NGDN: variants seen among roughly 807,000 people sequenced by gnomAD.
The protein encoded by NGDN is neuroguidin, also known as EIF4E-binding protein.
NGDN carries 41 observed loss-of-function variants against 45.2 expected under a neutral mutation model. The observed-to-expected ratio is 0.91, with a 90% CI of 0.71 to 1.18. The LOEUF is 1.18. Ranked by LOEUF, NGDN falls within the 50% of genes most tolerant of loss-of-function variation. The pLI, the probability that NGDN is intolerant of heterozygous loss-of-function variation, is 0.00. For missense variants in NGDN, 402 were observed against 399.9 expected (o/e 1.01, Z -0.05); for synonymous variants, 137 against 130.9 (o/e 1.05, Z -0.32).
intron 4 of NGDN, 102 bp downstream of exon 4, chr14:23,475,410 G>A (rs1893874678): frequency 1.4e-6 from 2 of 1,381,006 alleles, no homozygotes; most frequent in South Asian, 1.3e-5. Flanking sequence ...CATGTTTAAG[G>A]AAACCAAATG....
In NGDN at chr14:23,470,050, G is replaced by A. The variant is rs1893736767; in HGVS notation, c.21G>A (p.Leu7=). The A allele has an allele frequency of 6.2e-7, 1 of 1,613,974 alleles. No homozygotes were observed. The stretch of plus-strand genomic sequence containing the variant: ...TCCTCTCCCTTCTGTAGGGGGTGCT[G>A]GAGTCCGACCTGCCAAGTGCCGTGA... MAALGV[L]ESDLPSAVTL... is the part of the protein sequence containing the mutation. The change falls in exon 2 of 11, where the codon CTG becomes CTA. Residue 7 remains leucine (L), a synonymous_variant. Transcript: ENST00000408901.
At chr14:23,474,835 G>A (rs1475164042) in intron 3 of NGDN, among the ~76,000 whole-genome samples, 8 of 152,316 alleles carry the variant, frequency 5.3e-5, no homozygotes, top group Admixed American at 3.3e-4. Flanking sequence ...AACCTACAAT[G>A]CCCAGGACAG....
At chr14:23,475,851 G>A in intron 6 of NGDN, 73 bp downstream of exon 6, 3 of 1,492,046 alleles carry the variant, frequency 2.0e-6, no homozygotes, top group Middle Eastern at 4.9e-4. Flanking sequence ...GGTGATCCTG[G>A]ATACCCTGGG....
At position 23,475,158 on chromosome 14, in the gene NGDN, T is replaced by G; in HGVS notation, c.145-13T>G. ...AACCAAATCTGTTTTTCTTTCTGTT[T>G]TGTTCAACTCAGGGTCTCAGCTTCT... On this transcript the variant is annotated splice_polypyrimidine_tract_variant and intron_variant, in intron 3 of 10. Transcript: ENST00000408901. 3 of 1,601,632 alleles carry G rather than the reference T, an allele frequency of 1.9e-6. No individual in the cohort carries two copies. Among genetic ancestry groups the G allele is most frequent in the Non-Finnish European group, 2.6e-6 (3 of 1,176,262 alleles).
intron 3 of NGDN, chr14:23,471,337 T>A (rs1370838638): frequency 9.9e-6 from 2 of 201,708 alleles, no homozygotes. Flanking sequence ...AGTATGGTGA[T>A]AAGGGAAAGG....
downstream of NGDN, chr14:23,478,421 A>G (rs1486696832): frequency 1.1e-5 from 2 of 189,144 alleles, no homozygotes; most frequent in African/African-American, 4.7e-5. Context: ...TTGTTATAAT[A>G]CAATACAGAT....
At chr14:23,475,484 C>G (rs117367543) in intron 4 of NGDN, 74 bp from the exon 5 acceptor site, 1 of 1,477,742 alleles carries the variant, frequency 6.8e-7, no homozygotes, top group Non-Finnish European at 9.4e-7. Context: ...TTATGTGGCA[C>G]CTTAATATAG....
chr14:23,469,936 C>G (rs1893733017), intron 1 of NGDN, 106 bp from the exon 2 acceptor site: 3 of 1,301,374 alleles, frequency 2.3e-6, no homozygotes, highest in Non-Finnish European at 3.3e-6. Context: ...GGCCCCGAGT[C>G]TGGGTGTCTG....
chr14:23,471,980 C>CA (rs1431805507), intron 3 of NGDN, among the ~76,000 whole-genome samples: 2 of 151,840 alleles, frequency 1.3e-5, no homozygotes, highest in African/African-American at 2.4e-5. Flanking sequence ...TGCTTGAGCC[C>CA]ATGGGTTTGA....
Position 23,470,721 on chromosome 14 carries a change from T to G in NGDN, c.73-185T>G, listed in dbSNP as rs566749936. On this transcript the variant is annotated intron_variant, in intron 2 of 10. Coordinates refer to ENST00000408901, the MANE Select transcript of NGDN (RefSeq NM_001042635.2). ...TCTCTTCTTTAAGAAGTGGAAAGTT[T>G]TTTTTTTTTTAAACTTTTTGAAGAA... Among the ~76,000 whole-genome samples the G allele has an allele frequency of 7.4e-3, 1,114 of 151,462 alleles. 13 individuals are homozygous for G. The highest frequency in any genetic ancestry group is 0.026 in the African/African-American group (1,058 of 41,378).
rs756433724 is a variant in NGDN, at chr14:23,475,587, A to G, written c.312A>G (p.Gln104=). The change falls in exon 5 of 11, where the codon CAA becomes CAG. Residue 104 remains glutamine (Q), a synonymous_variant. Coordinates refer to ENST00000408901, the MANE Select transcript of NGDN (RefSeq NM_001042635.2). Reference sequence around the variant, plus strand: ...TGGAAAAGCTTCGTCCCTTGGACCAAAAGCTGAAGTATCAAATTGACAAGC... The same window carrying G: ...TGGAAAAGCTTCGTCCCTTGGACCAGAAGCTGAAGTATCAAATTGACAAGC... ...TVLEKLRPLD[Q]KLKYQIDKLI... 11 of 1,614,074 alleles carry G rather than the reference A, an allele frequency of 6.8e-6. No homozygotes were observed. The highest frequency in any genetic ancestry group is 1.3e-5 in the African/African-American group (1 of 74,946).
chr14:23,475,515 T>G, intron 4 of NGDN, 43 bp from the exon 5 acceptor site: 1 of 1,592,594 alleles, frequency 6.3e-7, no homozygotes, highest in Non-Finnish European at 8.6e-7. Context: ...GTGTGCTTCA[T>G]TTTGGGAAGG....
chr14:23,470,867 A>C (rs754717791), intron 2 of NGDN, 39 bp from the exon 3 acceptor site: 1 of 1,429,934 alleles, frequency 7.0e-7, no homozygotes, highest in Non-Finnish European at 9.3e-7. Flanking sequence ...ACATAATTTG[A>C]TATAATCTAA....
At chr14:23,478,414 TTATAA>T (rs1893953859), downstream of NGDN, 1 of 214,234 alleles carries the variant, frequency 4.7e-6, no homozygotes, top group Non-Finnish European at 9.4e-6. Context: ...GTATGATTTG[TTATAA>T]TACAATACAG....
chr14:23,476,390 T>G lies in NGDN; in HGVS notation c.696T>G (p.Ser232Arg). The G allele has an allele frequency of 6.2e-7, 1 of 1,611,776 alleles. No homozygotes were observed. The highest frequency in any genetic ancestry group is 8.5e-7 in the Non-Finnish European group (1 of 1,179,814). ...DARHPHVTRQSQEDQHRINYE... is the reference protein window; with the variant it reads ...DARHPHVTRQRQEDQHRINYE... The stretch of plus-strand genomic sequence containing the variant: ...GGCATCCCCATGTTACCCGCCAGAG[T>G]CAGGAGGACCAACACAGGTCTGAGC... The change falls in exon 8 of 11, where the codon AGT becomes AGG. Residue 232 changes from serine (S) to arginine (R), a missense_variant. Coordinates refer to ENST00000408901, the MANE Select transcript of NGDN (RefSeq NM_001042635.2).
chr14:23,477,889 A>G, intron 10 of NGDN, 118 bp from the exon 11 acceptor site: 3 of 1,580,688 alleles, frequency 1.9e-6, no homozygotes, highest in South Asian at 2.3e-5. Flanking sequence ...GAAGATATTC[A>G]GGGTACTGCC....
chr14:23,477,825 A>T, intron 10 of NGDN, 182 bp from the exon 11 acceptor site: 2 of 1,471,734 alleles, frequency 1.4e-6, no homozygotes, highest in Non-Finnish European at 1.8e-6. Flanking sequence ...GTGTCACTTG[A>T]AGGAACCATT....
rs1468084542 is a variant in NGDN, at chr14:23,476,265, A to C, written c.571A>C (p.Lys191Gln). Residue 191 changes from lysine to glutamine, a missense_variant, in exon 8 of 11, where the codon AAG (lysine) becomes CAG (glutamine). By Grantham distance (53) the Lys-to-Gln change is moderately conservative. Transcript: ENST00000408901. ...YDETEAEREK[K>Q]RLERAKRRAL... is the part of the protein sequence containing the mutation. ...TGAAACAGAAGCTGAGCGGGAGAAG[A>C]AGCGTCTAGAACGAGCCAAGAGACG... The C allele has an allele frequency of 4.3e-6, 7 of 1,614,190 alleles. No individual in the cohort carries two copies. Among genetic ancestry groups the C allele is most frequent in the Non-Finnish European group, 5.9e-6 (7 of 1,180,020 alleles).
intron 3 of NGDN, among the ~76,000 whole-genome samples, chr14:23,473,397 A>T (rs1257717536): frequency 6.6e-6 from 1 of 152,236 alleles, no homozygotes; most frequent in Non-Finnish European, 1.5e-5. Flanking sequence ...TTATTGAACA[A>T]ATACATATTA....
Sources: gnomAD v4.1 joint callset for allele counts (sites outside exome capture counted in the v4.1 genomes callset) on GRCh38, gnomAD v4.1.1 for gene constraint, MANE v1.5 for transcripts, NCBI Gene and HGNC (gene_info 2026-07-23, HGNC 2026-07-21) for gene names.